Variants in SPATA6 observed in about 807,000 individuals in gnomAD.
SPATA6 encodes spermatogenesis associated 6.
In SPATA6, 56 loss-of-function variants were observed where a neutral mutation model predicts 65.3. The ratio of observed to expected loss-of-function variants is 0.86; its 90% CI spans 0.69 to 1.07. SPATA6 has a LOEUF of 1.07. Among genes scored for constraint, SPATA6 ranks in the 50% least tolerant of loss-of-function variants. The probability of loss-of-function intolerance (pLI) is 0.00; values close to 1 mark genes in which losing one functional copy is unlikely to be tolerated. For missense variants in SPATA6, 590 were observed against 594.8 expected (o/e 0.99, Z 0.08); for synonymous variants, 199 against 213.2 (o/e 0.93, Z 0.58).
intron 11 of SPATA6, among the ~76,000 whole-genome samples, chr1:48,310,378 C>G (rs951757207): frequency 6.6e-6 from 1 of 152,142 alleles, no homozygotes; most frequent in African/African-American, 2.4e-5. Flanking sequence ...GAGATTGTGA[C>G]ATGTTGGTTA....
chr1:48,410,679 C>A (rs1366765394), intron 5 of SPATA6, among the ~76,000 whole-genome samples: 1 of 152,182 alleles, frequency 6.6e-6, no homozygotes, highest in African/African-American at 2.4e-5. Flanking sequence ...GGCAAATCAT[C>A]TTACATGGCA....
chr1:48,274,045 T>C, the SPATA6 span, among the ~76,000 whole-genome samples: 30 of 152,244 alleles, frequency 2.0e-4, no homozygotes, highest in African/African-American at 7.2e-4. Flanking sequence ...TTAACTGGCA[T>C]GAGATGGTAT....
chr1:48,464,298 T>C (rs1035588743), intron 1 of SPATA6, among the ~76,000 whole-genome samples: 2 of 152,060 alleles, frequency 1.3e-5, no homozygotes, highest in East Asian at 3.9e-4. Flanking sequence ...GCCATCAACA[T>C]AAAGACAAGG....
intron 11 of SPATA6, among the ~76,000 whole-genome samples, chr1:48,320,823 G>C (rs1397616071): frequency 6.6e-6 from 1 of 152,112 alleles, no homozygotes; most frequent in African/African-American, 2.4e-5. Flanking sequence ...GACATAGACA[G>C]TAAAGTAAGA....
At chr1:48,460,137 AT>A (rs1189410135) in intron 1 of SPATA6, among the ~76,000 whole-genome samples, 8 of 149,690 alleles carry the variant, frequency 5.3e-5, no homozygotes, top group East Asian at 2.0e-4. Flanking sequence ...TGCCTGCCTA[AT>A]TTTTTTTTTC....
chr1:48,282,852 T>C, the SPATA6 span, among the ~76,000 whole-genome samples: 1 of 152,186 alleles, frequency 6.6e-6, no homozygotes, highest in African/African-American at 2.4e-5. Context: ...CAAAGGACTA[T>C]AAATCATGCT....
At chr1:48,363,386 A>G (rs1434216396) in intron 9 of SPATA6, among the ~76,000 whole-genome samples, 1 of 152,172 alleles carries the variant, frequency 6.6e-6, no homozygotes, top group Non-Finnish European at 1.5e-5. Flanking sequence ...TTAGAGTCCA[A>G]AAACTTAAGT....
At chr1:48,364,277 T>C (rs1342619132) in intron 9 of SPATA6, among the ~76,000 whole-genome samples, 1 of 152,240 alleles carries the variant, frequency 6.6e-6, no homozygotes, top group Non-Finnish European at 1.5e-5. Flanking sequence ...TGCATGTGTC[T>C]TTATAGAAGC....
chr1:48,429,418 A>G (rs1177240574), intron 3 of SPATA6, among the ~76,000 whole-genome samples: 4 of 152,212 alleles, frequency 2.6e-5, no homozygotes, highest in African/African-American at 9.6e-5. Context: ...GAGACATTAC[A>G]TTTATACTTT....
chr1:48,358,728 A>G (rs1646726204), intron 10 of SPATA6, among the ~76,000 whole-genome samples: 1 of 152,056 alleles, frequency 6.6e-6, no homozygotes, highest in Non-Finnish European at 1.5e-5. Context: ...ATGATCCCCC[A>G]CTATCCCGCA....
At chr1:48,370,874 T>C (rs1284368912) in intron 9 of SPATA6, among the ~76,000 whole-genome samples, 1 of 152,170 alleles carries the variant, frequency 6.6e-6, no homozygotes, top group Non-Finnish European at 1.5e-5. Context: ...CCACAAAGGA[T>C]GGGCTCACGA....
At chr1:48,359,836 TAG>T in intron 9 of SPATA6, 66 bp from the exon 10 acceptor site, 1 of 1,248,258 alleles carries the variant, frequency 8.0e-7, no homozygotes, top group Non-Finnish European at 1.1e-6. Context: ...ACATATTATA[TAG>T]TAATATAGTA....
chr1:48,423,499 A>G (rs937794401), intron 3 of SPATA6, among the ~76,000 whole-genome samples: 1 of 149,174 alleles, frequency 6.7e-6, no homozygotes, highest in Non-Finnish European at 1.5e-5. Flanking sequence ...TATCCTGGGG[A>G]GAGGTATTGA....
intron 1 of SPATA6, 92 bp from the exon 2 acceptor site, chr1:48,453,223 T>G: frequency 7.5e-7 from 1 of 1,325,414 alleles, no homozygotes; most frequent in African/African-American, 1.5e-5. Context: ...CATAAAAACA[T>G]TAGTCTGGTA....
intron 9 of SPATA6, among the ~76,000 whole-genome samples, chr1:48,381,600 TTAAG>T (rs1213948478): frequency 1.3e-5 from 2 of 150,892 alleles, no homozygotes; most frequent in African/African-American, 2.4e-5. Flanking sequence ...AATAAATAGT[TTAAG>T]TAAGTACATA....
At chr1:48,437,355 A>C in intron 3 of SPATA6, 1 of 1,492,058 alleles carries the variant, frequency 6.7e-7, no homozygotes, top group Middle Eastern at 2.0e-4. Context: ...CTATTATTTA[A>C]AACCACTCTG....
chr1:48,341,939 T>C (rs974635330), intron 11 of SPATA6, among the ~76,000 whole-genome samples: 5 of 152,206 alleles, frequency 3.3e-5, no homozygotes, highest in African/African-American at 4.8e-5. Context: ...CCCCTAAAGA[T>C]AAGGAGGACT....
chr1:48,353,318 C>T (rs1372944561), intron 11 of SPATA6, among the ~76,000 whole-genome samples: 1 of 149,048 alleles, frequency 6.7e-6, no homozygotes, highest in Non-Finnish European at 1.5e-5. Flanking sequence ...CAAACAATAA[C>T]AAAATAGTTA....
intron 11 of SPATA6, among the ~76,000 whole-genome samples, chr1:48,335,702 C>G (rs2148744809): frequency 6.6e-6 from 1 of 152,188 alleles, no homozygotes. Flanking sequence ...CTAGGCAATA[C>G]CATTTTTGAC....
Sources: allele counts gnomAD v4.1 joint callset (sites outside exome capture counted in the v4.1 genomes callset), GRCh38; gene constraint gnomAD v4.1.1; transcripts MANE v1.5; gene names NCBI Gene and HGNC (gene_info 2026-07-23, HGNC 2026-07-21).